The following RFX6 variants were observed in gnomAD, a reference collection of about 807,000 sequenced individuals.
RFX6 encodes the protein regulatory factor X6.
A neutral mutation model predicts 110.8 loss-of-function variants in RFX6; 50 were observed. That is an observed-to-expected ratio of 0.45 (90% confidence interval 0.36 to 0.57). The LOEUF (loss-of-function observed/expected upper bound fraction) is 0.57. Among genes scored for constraint, RFX6 ranks in the 20% least tolerant of loss-of-function variants. The pLI is 0.00. For synonymous variants in RFX6, 383 were observed against 411.2 expected (o/e 0.93, Z 0.83); for missense variants, 990 against 1,127.0 (o/e 0.88, Z 1.74).
chr6:116,905,556 CT>C (rs34779403), intron 6 of RFX6, among the ~76,000 whole-genome samples: 7,325 of 140,962 alleles, frequency 0.052, 171 homozygotes, highest in Non-Finnish European at 0.073. Context: ...AAAAGTGTTT[CT>C]TTTTTTTTTT....
Position 116,916,260 on chromosome 6 carries a change from C to A in RFX6, c.918C>A (p.Leu306=), listed in dbSNP as rs138602597. 73 of 1,612,468 alleles carry A rather than the reference C, an allele frequency of 4.5e-5. No homozygotes were observed. The highest frequency in any genetic ancestry group is 1.1e-4 in the African/African-American group (8 of 74,706). The stretch of plus-strand genomic sequence containing the variant: ...TGCCTGACCATCTCCTTCCCCTGCT[C>A]GAAAATCCTGTTATCATTGATATTT... The part of the protein sequence containing the change: ...QGMPDHLLPL[L]ENPVIIDIFC... Residue 306 remains leucine (L), a synonymous_variant, in exon 9 of 19, where the codon CTC becomes CTA. Transcript: ENST00000332958.
intron 12 of RFX6, among the ~76,000 whole-genome samples, chr6:116,920,888 TTTACA>T (rs1775580836): frequency 1.3e-5 from 2 of 152,194 alleles, no homozygotes; most frequent in South Asian, 2.1e-4. Context: ...TTCTTTCAGT[TTTACA>T]TTACATGTAT....
Position 116,916,073 on chromosome 6 carries a change from A to C in RFX6, c.846A>C (p.Gly282=). Reference sequence around the variant, plus strand: ...GTATCCTGGACAATGCAATTAATGGAAACTTTGAAGAGGTAAGAATGACAA... The same window carrying C: ...GTATCCTGGACAATGCAATTAATGGCAACTTTGAAGAGGTAAGAATGACAA... ...CQCILDNAIN[G]NFEEIQHFLL... is the part of the protein sequence containing the mutation. The change falls in exon 8 of 19, where the codon GGA becomes GGC. Residue 282 remains glycine (G), a synonymous_variant. Transcript: ENST00000332958. 6.2e-7 allele frequency: 1 copy of C among 1,608,392 alleles called. No homozygotes were observed. Among genetic ancestry groups the C allele is most frequent in the Non-Finnish European group, 8.5e-7 (1 of 1,175,012 alleles).
Position 116,927,318 on chromosome 6 carries a change from G to C in RFX6, c.2177G>C (p.Arg726Pro). The C allele has an allele frequency of 6.2e-7, 1 of 1,614,156 alleles. No homozygotes were observed. The highest frequency in any genetic ancestry group is 1.1e-5 in the South Asian group (1 of 91,078). The change falls in exon 17 of 19, where the codon CGA becomes CCA. Residue 726 changes from arginine (R) to proline (P), a missense_variant. Arg to Pro is a moderately radical substitution (Grantham distance 103). Coordinates refer to ENST00000332958, the MANE Select transcript of RFX6 (RefSeq NM_173560.4). ...TATCCTCATCACACCGAGCATGGTC[G>C]ATGCATGGCTTGGACTGAACAGCAG... ...GLYPHHTEHGRCMAWTEQQLS... is the reference protein window; with the variant it reads ...GLYPHHTEHGPCMAWTEQQLS...
In RFX6 at chr6:116,928,857, C is replaced by T; in HGVS notation, c.2497C>T (p.Pro833Ser). ...CATCAGCAGCATTCGTTCACTGCCC[C>T]CCTACAGTGACATCCACGATCCACT... ...SVISSIRSLP[P>S]YSDIHDPLNI... Residue 833 changes from proline to serine, a missense_variant, in exon 18 of 19, where the codon CCC becomes TCC. This residue lies in a region of RFX6 where 438 missense variants were observed against 441.9 expected (regional missense o/e 0.99). Coordinates refer to ENST00000332958, the MANE Select transcript of RFX6 (RefSeq NM_173560.4). 1 of 1,612,390 alleles carries T rather than the reference C, an allele frequency of 6.2e-7. No homozygotes were observed. The highest frequency in any genetic ancestry group is 8.5e-7 in the Non-Finnish European group (1 of 1,178,424).
intron 6 of RFX6, among the ~76,000 whole-genome samples, chr6:116,908,685 C>CAG (rs768444295): frequency 2.0e-4 from 18 of 91,124 alleles, no homozygotes; most frequent in South Asian, 7.7e-4. Flanking sequence ...CACACACACA[C>CAG]ACAGACACAC....
In RFX6 at chr6:116,922,126, C is replaced by T; in HGVS notation, c.1412C>T (p.Thr471Ile). The change falls in exon 13 of 19, where the codon ACT (threonine) becomes ATT (isoleucine). Residue 471 changes from threonine to isoleucine, a missense_variant. Transcript: ENST00000332958. The part of the protein sequence containing the change: ...TVEAFIEWLD[T>I]VVEQRVIKTS... ...GAGGCTTTTATTGAATGGTTGGATACTGTGGTAGAACAGAGAGTTATTAAG... is the reference window on the plus strand; with the variant it reads ...GAGGCTTTTATTGAATGGTTGGATATTGTGGTAGAACAGAGAGTTATTAAG... The T allele has an allele frequency of 6.7e-7, 1 of 1,494,402 alleles. No individual in the cohort carries two copies. The highest frequency in any genetic ancestry group is 1.1e-5 in the South Asian group (1 of 88,178). 92.6% of individuals were successfully genotyped at this position (1,494,402 alleles called of 1,614,324 possible).
intron 9 of RFX6, among the ~76,000 whole-genome samples, 193 bp from the exon 10 acceptor site, chr6:116,917,842 CTT>C (rs1775501271): frequency 1.3e-5 from 2 of 152,002 alleles, no homozygotes; most frequent in African/African-American, 4.8e-5. Context: ...AGTGCTATCT[CTT>C]GTTTTTATTG....
chr6:116,910,385 A>C (rs1388085203), intron 6 of RFX6, among the ~76,000 whole-genome samples: 4 of 152,222 alleles, frequency 2.6e-5, no homozygotes, highest in Admixed American at 2.6e-4. Flanking sequence ...AAAGAACAAC[A>C]CATGCCTGAA....
chr6:116,926,989 A>G (rs373781610), intron 16 of RFX6, 38 bp from the exon 17 acceptor site: 2 of 1,565,426 alleles, frequency 1.3e-6, no homozygotes, highest in East Asian at 4.5e-5. Context: ...ATCTACTTTA[A>G]TATGACACTA....
rs1775770835 is a variant in RFX6 at position 116,927,451 on chromosome 6, G to A, written c.2310G>A (p.Gln770=). ...SLQAQDSHNM[Q]FLNTGSFNFL... ...AAGCCCAGGATTCACACAATATGCA[G>A]TTTTTAAATACAGGAAGCTTCAATT... Residue 770 remains glutamine, a synonymous_variant, in exon 17 of 19, where the codon CAG becomes CAA. Transcript: ENST00000332958. 1 of 1,614,024 alleles carries A rather than the reference G, an allele frequency of 6.2e-7. No homozygotes were observed. The highest frequency in any genetic ancestry group is 1.3e-5 in the African/African-American group (1 of 74,930).
chr6:116,912,701 G>C (rs935818999), intron 7 of RFX6, among the ~76,000 whole-genome samples: 3 of 152,176 alleles, frequency 2.0e-5, no homozygotes, highest in African/African-American at 7.2e-5. Context: ...CCTGGTGAGA[G>C]AGAGAGGGGG....
At chr6:116,912,114 A>T (rs796424219) in intron 7 of RFX6, among the ~76,000 whole-genome samples, 4 of 152,296 alleles carry the variant, frequency 2.6e-5, no homozygotes, top group African/African-American at 9.6e-5. Context: ...GTTCTCACTT[A>T]TAAGTGAGAG....
chr6:116,877,695 C>G lies in RFX6; in HGVS notation c.224-101C>G. 9 of 1,229,652 alleles carry G rather than the reference C, an allele frequency of 7.3e-6. No individual in the cohort carries two copies. In the South Asian group the frequency reaches 1.2e-4, roughly 16 times the overall value. The allele number at this position is 1,229,652 out of a possible 1,614,324, so 76.2% of individuals were successfully genotyped here. On this transcript the variant is annotated intron_variant, in intron 1 of 18. Transcript: ENST00000332958. ...GCCCCCCTTTCCTCCCCTCCGCCCC[C>G]ACCCCAGTAGGCTACTCCTTTGAAG...
chr6:116,908,582 G>T, intron 6 of RFX6, among the ~76,000 whole-genome samples: 1 of 151,366 alleles, frequency 6.6e-6, no homozygotes. Flanking sequence ...GATTTTCAAG[G>T]GTATTTTACC....
At chr6:116,892,661 T>C (rs1774858004) in intron 4 of RFX6, among the ~76,000 whole-genome samples, 2 of 152,124 alleles carry the variant, frequency 1.3e-5, no homozygotes, top group South Asian at 4.1e-4. Flanking sequence ...CATGTTCCCA[T>C]ATGGAACTCC....
intron 12 of RFX6, 110 bp downstream of exon 12, chr6:116,920,564 A>C (rs1427318145): frequency 1.1e-6 from 1 of 919,922 alleles, no homozygotes; most frequent in South Asian, 1.3e-5. Flanking sequence ...TAGGATGTTT[A>C]GCAGCATCCT....
chr6:116,916,334 T>G lies in RFX6; in HGVS notation c.972+20T>G, dbSNP rs2114693453. 1 of 1,380,918 alleles carries G rather than the reference T, an allele frequency of 7.2e-7. No individual in the cohort carries two copies. The highest frequency in any genetic ancestry group is 2.3e-5 in the East Asian group (1 of 43,720). 85.5% of individuals were successfully genotyped at this position (1,380,918 alleles called of 1,614,324 possible). On this transcript the variant is annotated intron_variant, in intron 9 of 18. Transcript: ENST00000332958. ...TATAAGGTAAGCACTTTGGGATGTC[T>G]TAAACATGAGCCATTTATTTCTTTA...
intron 4 of RFX6, among the ~76,000 whole-genome samples, chr6:116,890,646 T>G (rs339333): frequency 0.82 from 125,385 of 152,086 alleles, 51,895 homozygotes; most frequent in East Asian, 0.89. Flanking sequence ...ATAAGAAAAG[T>G]ACATGCCATT....
Sources: gnomAD v4.1 joint callset for allele counts (sites outside exome capture counted in the v4.1 genomes callset) on GRCh38, gnomAD v4.1.1 for gene constraint, gnomAD v4.1.1 regional missense constraint, MANE v1.5 for transcripts, NCBI Gene and HGNC (gene_info 2026-07-23, HGNC 2026-07-21) for gene names.